The following NME9 variants were observed in gnomAD, a reference collection of about 807,000 sequenced individuals.
NME9 encodes NME/NM23 family member 9, also known as thioredoxin domain-containing protein 6.
In NME9, 48 loss-of-function variants were observed where a neutral mutation model predicts 44.4. The observed-to-expected ratio is 1.08, with a 90% confidence interval of 0.86 to 1.37. The LOEUF (loss-of-function observed/expected upper bound fraction) is 1.37. Ranked by LOEUF, NME9 falls within the 40% of genes most tolerant of loss-of-function variation. NME9 has a pLI of 0.00. For missense variants in NME9, 325 were observed against 405.2 expected, an observed-to-expected ratio of 0.80 and a Z score of 1.70; for synonymous variants, 139 against 147.1, an observed-to-expected ratio of 0.94 and a Z score of 0.40.
At chr3:138,312,270 C>A (rs2052752025) in intron 6 of NME9, among the ~76,000 whole-genome samples, 1 of 152,064 alleles carries the variant, frequency 6.6e-6, no homozygotes, top group African/African-American at 2.4e-5. Flanking sequence ...AAATACAATC[C>A]TAAAATTTAT....
At chr3:138,267,839 T>A (rs1335431692) in intron 8 of NME9, among the ~76,000 whole-genome samples, 15 of 152,340 alleles carry the variant, frequency 9.8e-5, no homozygotes, top group Non-Finnish European at 2.2e-4. Flanking sequence ...TCTGCCCAAT[T>A]ATGAACTCAG....
chr3:138,321,322 G>A (rs1412361424), intron 2 of NME9, among the ~76,000 whole-genome samples: 1 of 152,212 alleles, frequency 6.6e-6, no homozygotes, highest in Non-Finnish European at 1.5e-5. Flanking sequence ...AGGTTTGGTG[G>A]TCAGGTAAGG....
At chr3:138,271,507 T>G (rs1295530607) in intron 8 of NME9, among the ~76,000 whole-genome samples, 1 of 152,230 alleles carries the variant, frequency 6.6e-6, no homozygotes, top group East Asian at 1.9e-4. Flanking sequence ...CATGCACAAC[T>G]TTAATGTTGG....
At chr3:138,306,690 C>A (rs1454971950) in intron 6 of NME9, among the ~76,000 whole-genome samples, 2 of 152,204 alleles carry the variant, frequency 1.3e-5, no homozygotes, top group African/African-American at 4.8e-5. Context: ...AGACCTGAGG[C>A]CAGACCTCAA....
At chr3:138,276,473 A>G (rs1332731489) in intron 8 of NME9, among the ~76,000 whole-genome samples, 1 of 152,234 alleles carries the variant, frequency 6.6e-6, no homozygotes, top group Non-Finnish European at 1.5e-5. Flanking sequence ...AAGCACAAGA[A>G]GGCAAGAAAA....
chr3:138,311,707 C>T (rs1273581599), intron 6 of NME9, among the ~76,000 whole-genome samples: 1 of 152,234 alleles, frequency 6.6e-6, no homozygotes, highest in South Asian at 2.1e-4. Flanking sequence ...TGATAAAAAA[C>T]CTTCAAAACA....
chr3:138,277,664 G>A (rs1433383948), intron 8 of NME9, among the ~76,000 whole-genome samples: 1 of 152,186 alleles, frequency 6.6e-6, no homozygotes, highest in Non-Finnish European at 1.5e-5. Context: ...ACAGTTGCTA[G>A]CAAGGATGCA....
intron 1 of NME9, among the ~76,000 whole-genome samples, chr3:138,328,472 A>G (rs2053928994): frequency 6.6e-6 from 1 of 151,900 alleles, no homozygotes; most frequent in Non-Finnish European, 1.5e-5. Flanking sequence ...GGACAATAAG[A>G]GAGAAACCAG....
chr3:138,292,827 G>C (rs970061589), intron 8 of NME9, among the ~76,000 whole-genome samples: 11 of 152,312 alleles, frequency 7.2e-5, no homozygotes, highest in Middle Eastern at 3.4e-3. Context: ...TAAGGACCAA[G>C]ATCTAGAGTC....
At chr3:138,301,786 A>G in intron 10 of NME9, 82 bp from the exon 11 acceptor site, 2 of 1,152,752 alleles carry the variant, frequency 1.7e-6, no homozygotes, top group Non-Finnish European at 2.5e-6. Flanking sequence ...CCACAAAGAA[A>G]TAGGAAGTTA....
Position 138,268,677 on chromosome 3 carries a change from G to A in NME9, c.746-6091C>T, listed in dbSNP as rs189493011. On this transcript the variant is annotated intron_variant, in intron 8 of 8. Transcript: ENST00000317876. ...TGTAGTTCTAGCTACTCGAGAGGCC[G>A]AGGCAGGAGAATTGTTTGAGCCTGG... Among the ~76,000 whole-genome samples, 336 of 152,140 alleles carry A rather than the reference G, an allele frequency of 2.2e-3. 5 individuals carry two copies. Among genetic ancestry groups the A allele is most frequent in the Non-Finnish European group, 2.9e-4 (20 of 67,998 alleles).
intron 7 of NME9, 76 bp from the exon 8 acceptor site, chr3:138,306,172 G>A: frequency 1.7e-6 from 2 of 1,147,230 alleles, no homozygotes; most frequent in Non-Finnish European, 2.6e-6. Context: ...TTAGTTGAAA[G>A]GTAAAAAATA....
At chr3:138,263,006 A>G (rs1414049794) in intron 8 of NME9, among the ~76,000 whole-genome samples, 4 of 152,094 alleles carry the variant, frequency 2.6e-5, no homozygotes, top group Non-Finnish European at 5.9e-5. Flanking sequence ...TGCTTGGCAC[A>G]TGGAAGAACT....
At chr3:138,289,137 AT>A in intron 8 of NME9, 1 of 1,602,796 alleles carries the variant, frequency 6.2e-7, no homozygotes, top group Non-Finnish European at 8.5e-7. Flanking sequence ...GATTGGTGAG[AT>A]TTGTTTTGAA....
At chr3:138,289,824 C>G (rs78401414) in intron 8 of NME9, among the ~76,000 whole-genome samples, 7,222 of 152,092 alleles carry the variant, frequency 0.047, 214 homozygotes, top group South Asian at 0.083. Context: ...ATTTCTGGGC[C>G]CCATCCCTAG....
At position 138,329,701 on chromosome 3, in the gene NME9, T is replaced by G; in HGVS notation, c.-366A>C. The G allele has an allele frequency of 8.9e-7, 1 of 1,119,806 alleles. No individual in the cohort carries two copies. Among genetic ancestry groups the G allele is most frequent in the Non-Finnish European group, 1.1e-6 (1 of 914,438 alleles). The allele number at this position is 1,119,806 out of a possible 1,614,324, so 69.4% of individuals were successfully genotyped here. A position where few individuals can be genotyped will look rare whatever the true frequency, so the allele number is the denominator to read the frequency against. ...GGCACAGGGTCGCCAGTCGAGGAAT[T>G]CTGACAAAAAAACGACATGGGACCC... On this transcript the variant is annotated 5_prime_UTR_variant, in exon 1 of 11. Coordinates refer to ENST00000333911, the MANE Select transcript of NME9 (RefSeq NM_001349018.2).
At chr3:138,286,430 C>G (rs1326434382) in intron 8 of NME9, among the ~76,000 whole-genome samples, 1 of 152,200 alleles carries the variant, frequency 6.6e-6, no homozygotes. Flanking sequence ...ACCCCACTTA[C>G]AGCAGACTTC....
At chr3:138,309,898 A>G (rs2052570496) in intron 6 of NME9, among the ~76,000 whole-genome samples, 1 of 151,978 alleles carries the variant, frequency 6.6e-6, no homozygotes, top group South Asian at 2.1e-4. Context: ...GTGGTGGTCC[A>G]TGCCTGTAAT....
At chr3:138,281,580 C>T (rs760464153) in intron 8 of NME9, among the ~76,000 whole-genome samples, 10 of 152,118 alleles carry the variant, frequency 6.6e-5, no homozygotes, top group Admixed American at 3.3e-4. Context: ...TGTGAGCCAC[C>T]GCCCCGGCCT....
Sources: allele counts gnomAD v4.1 joint callset (sites outside exome capture counted in the v4.1 genomes callset), GRCh38; gene constraint gnomAD v4.1.1; transcripts MANE v1.5; gene names NCBI Gene and HGNC (gene_info 2026-07-23, HGNC 2026-07-21).